The following LRP2 variants were observed in gnomAD, a reference collection of about 807,000 sequenced individuals.
The protein encoded by LRP2 is LDL receptor related protein 2.
In LRP2, 172 loss-of-function variants were observed where a neutral mutation model predicts 531.0. The observed-to-expected ratio is 0.32, with a 90% CI of 0.29 to 0.37. The LOEUF is 0.37. LRP2 is among the 10% of genes least tolerant of loss of function. The probability of loss-of-function intolerance (pLI) is 1.00; values close to 1 mark genes in which losing one functional copy is unlikely to be tolerated. For synonymous variants in LRP2, 1,992 were observed against 2,027.6 expected (o/e 0.98, Z 0.47); for missense variants, 5,167 against 5,868.3 (o/e 0.88, Z 3.90).
At chr2:169,215,236 T>C (rs72876227) in intron 35 of LRP2, among the ~76,000 whole-genome samples, 2,920 of 152,320 alleles carry the variant, frequency 0.019, 47 homozygotes, top group Admixed American at 0.037. Context: ...CCAAACCTAC[T>C]GCACAATATT....
intron 1 of LRP2, among the ~76,000 whole-genome samples, chr2:169,330,306 A>C (rs192355645): frequency 5.9e-5 from 9 of 152,354 alleles, no homozygotes; most frequent in Admixed American, 2.6e-4. Context: ...ATATTTGCTT[A>C]GTAATTAAAA....
chr2:169,165,892 G>A, intron 62 of LRP2, 40 bp downstream of exon 62: 2 of 1,612,888 alleles, frequency 1.2e-6, no homozygotes, highest in East Asian at 2.2e-5. Context: ...GACCACTTGG[G>A]GTCCTTCCTT....
chr2:169,189,541 A>G (rs965851091), intron 48 of LRP2, among the ~76,000 whole-genome samples: 1 of 152,208 alleles, frequency 6.6e-6, no homozygotes, highest in Non-Finnish European at 1.5e-5. Context: ...ACACTATTGC[A>G]AGTCAGTATT....
intron 68 of LRP2, among the ~76,000 whole-genome samples, chr2:169,148,412 G>C (rs1685999540): frequency 6.6e-6 from 1 of 152,160 alleles, no homozygotes; most frequent in African/African-American, 2.4e-5. Context: ...CCAAAAGCCA[G>C]TGAATTGTAC....
rs1411164246 is a variant in LRP2 at position 169,188,047 on chromosome 2, T to C, written c.9251A>G (p.Asn3084Ser). 3.7e-6 allele frequency: 6 copies of C among 1,614,010 alleles called. No homozygotes were observed. Among genetic ancestry groups the C allele is most frequent in the Non-Finnish European group, 5.1e-6 (6 of 1,180,012 alleles). The change falls in exon 49 of 79, where the codon AAT (asparagine) becomes AGT (serine). Residue 3084 changes from asparagine (N) to serine (S), a missense_variant. This residue lies in a region of LRP2 where 1,129 missense variants were observed against 1,362.7 expected (regional missense o/e 0.83). Coordinates refer to ENST00000649046, the MANE Select transcript of LRP2 (RefSeq NM_004525.3). ...TTTCATCATCTCGATGCAGCGCCCA[T>C]TGTCACACTTGAACTCGTGAGGTGG... ...TCPPHEFKCD[N>S]GRCIEMMKLC...
intron 19 of LRP2, among the ~76,000 whole-genome samples, chr2:169,247,846 G>T (rs1181341138): frequency 6.6e-6 from 1 of 152,146 alleles, no homozygotes; most frequent in Non-Finnish European, 1.5e-5. Context: ...ATTAAATGAG[G>T]CCTCATAGGT....
intron 1 of LRP2, among the ~76,000 whole-genome samples, chr2:169,352,729 T>C (rs62171277): frequency 1.3e-5 from 2 of 152,142 alleles, no homozygotes; most frequent in African/African-American, 2.4e-5. Flanking sequence ...GAAGCCATCA[T>C]TCTCAGCAAA....
intron 33 of LRP2, among the ~76,000 whole-genome samples, chr2:169,221,937 CTA>C (rs1559025287): frequency 6.6e-6 from 1 of 151,396 alleles, no homozygotes; most frequent in African/African-American, 2.4e-5. Flanking sequence ...GTAGGCTTCA[CTA>C]CAAAATTCAG....
At chr2:169,353,459 T>TA (rs1192407574) in intron 1 of LRP2, among the ~76,000 whole-genome samples, 1 of 152,138 alleles carries the variant, frequency 6.6e-6, no homozygotes, top group Non-Finnish European at 1.5e-5. Flanking sequence ...CAGTATTTTT[T>TA]ACTCACATAA....
intron 37 of LRP2, among the ~76,000 whole-genome samples, chr2:169,211,546 C>A (rs575535601): frequency 6.6e-6 from 1 of 152,154 alleles, no homozygotes; most frequent in South Asian, 2.1e-4. Context: ...TACCATAAAT[C>A]TCCATTAATA....
At chr2:169,135,874 T>C (rs1325580253) in intron 76 of LRP2, among the ~76,000 whole-genome samples, 1 of 152,176 alleles carries the variant, frequency 6.6e-6, no homozygotes, top group Non-Finnish European at 1.5e-5. Flanking sequence ...CAACTACTCA[T>C]AAATGCCCTG....
chr2:169,292,605 A>G (rs1319518475), intron 6 of LRP2, among the ~76,000 whole-genome samples: 1 of 152,110 alleles, frequency 6.6e-6, no homozygotes, highest in Non-Finnish European at 1.5e-5. Context: ...CTGTTTTTCA[A>G]GATTAAAAAT....
Position 169,206,467 on chromosome 2 carries a change from T to C in LRP2, c.7253A>G (p.Glu2418Gly), listed in dbSNP as rs61995915. Residue 2418 changes from glutamate (E) to glycine (G), a missense_variant, in exon 39 of 79, where the codon GAA becomes GGA. Physicochemically the swap from Glu to Gly is moderately conservative, Grantham distance 98. Transcript: ENST00000649046. Reference protein sequence around the residue: ...HSPPFQTINVERTVMSLDYDS... With the variant: ...HSPPFQTINVGRTVMSLDYDS... ...ATAGTCTAGAGACATGACAGTTCTT[T>C]CCACATTTATTGTTTGGAAAGGTGG... 25,832 of 1,614,194 alleles carry C rather than the reference T, an allele frequency of 0.016. 260 individuals are homozygous for C. Among genetic ancestry groups the C allele is most frequent in the Non-Finnish European group, 0.018 (21,776 of 1,180,020 alleles).
chr2:169,156,204 C>T, intron 65 of LRP2, 70 bp downstream of exon 65: 1 of 1,585,058 alleles, frequency 6.3e-7, no homozygotes, highest in Non-Finnish European at 8.6e-7. Context: ...AAGTTTCTTT[C>T]ATCGTATAGT....
At chr2:169,144,976 AAC>A (rs1050694429) in intron 70 of LRP2, among the ~76,000 whole-genome samples, 72 of 152,302 alleles carry the variant, frequency 4.7e-4, no homozygotes, top group African/African-American at 1.7e-3. Flanking sequence ...CTGAGATTAA[AAC>A]TCACCCATTT....
chr2:169,299,131 GAA>G (rs1279948123), intron 4 of LRP2, among the ~76,000 whole-genome samples: 9,770 of 71,940 alleles, frequency 0.14, 1,239 homozygotes, highest in Middle Eastern at 0.18. Context: ...AAGAAAGAAA[GAA>G]AGAAAGAAAG....
intron 77 of LRP2, 99 bp from the exon 78 acceptor site, chr2:169,129,183 G>T: frequency 1.1e-6 from 1 of 894,862 alleles, no homozygotes; most frequent in Admixed American, 1.8e-5. Flanking sequence ...CTTACTGAAG[G>T]GTAAAGCAAT....
chr2:169,219,542 A>G (rs2193194), intron 34 of LRP2, among the ~76,000 whole-genome samples: 55,722 of 152,030 alleles, frequency 0.37, 10,416 homozygotes, highest in South Asian at 0.61. Flanking sequence ...TCTAAAACAC[A>G]AATTTGGTTC....
chr2:169,222,556 C>T (rs1165056202), intron 33 of LRP2, among the ~76,000 whole-genome samples: 1 of 152,116 alleles, frequency 6.6e-6, no homozygotes, highest in Admixed American at 6.6e-5. Flanking sequence ...GGACAAATTC[C>T]AAGATCACCA....
Sources: gnomAD v4.1 joint callset for allele counts (sites outside exome capture counted in the v4.1 genomes callset) on GRCh38, gnomAD v4.1.1 for gene constraint, gnomAD v4.1.1 regional missense constraint, MANE v1.5 for transcripts, NCBI Gene and HGNC (gene_info 2026-07-23, HGNC 2026-07-21) for gene names.